Variants in STEAP2 observed in about 807,000 individuals in gnomAD.
The protein encoded by STEAP2 is STEAP2 metalloreductase, also known as metalloreductase STEAP2.
In STEAP2, 30 loss-of-function variants were observed where a neutral mutation model predicts 46.4. That is an observed-to-expected ratio of 0.65 (90% CI 0.48 to 0.88). The LOEUF (loss-of-function observed/expected upper bound fraction) is 0.88, where lower values mean the gene tolerates loss of function less well. STEAP2 is among the 40% of genes least tolerant of loss of function. The pLI, the probability that STEAP2 is intolerant of heterozygous loss-of-function variation, is 0.00. For missense variants in STEAP2, 513 were observed against 579.3 expected, an observed-to-expected ratio of 0.89 and a Z score of 1.18; for synonymous variants, 180 against 200.5, an observed-to-expected ratio of 0.90 and a Z score of 0.86.
chr7:90,238,257 G>A, downstream of STEAP2: 2 of 607,842 alleles, frequency 3.3e-6, no homozygotes, highest in Non-Finnish European at 6.3e-6. Context: ...TGGAGGTTCT[G>A]GCTTCCCCAG....
rs1795882068 is a variant in STEAP2, at chr7:90,234,454, A to G, written c.*1830A>G. The G allele has an allele frequency of 1.0e-6, 1 of 984,788 alleles. No individual in the cohort carries two copies. The highest frequency in any genetic ancestry group is 4.7e-5 in the South Asian group (1 of 21,252). 61.0% of individuals were successfully genotyped at this position (984,788 alleles called of 1,614,324 possible). On this transcript the variant is annotated 3_prime_UTR_variant, in exon 6 of 6. Transcript: ENST00000394621. ...TTTAGTAGAGGCTACCTTTCCCACCAGTGACTCTTTTTCTACAACTGCCTT... is the reference window on the plus strand; with the variant it reads ...TTTAGTAGAGGCTACCTTTCCCACCGGTGACTCTTTTTCTACAACTGCCTT...
chr7:90,234,415 T>C lies in STEAP2; in HGVS notation c.*1791T>C. The C allele has an allele frequency of 4.1e-6, 4 of 985,314 alleles. No individual in the cohort carries two copies. The highest frequency in any genetic ancestry group is 4.8e-6 in the Non-Finnish European group (4 of 829,898). 61.0% of individuals were successfully genotyped at this position (985,314 alleles called of 1,614,324 possible). ...TACTACTGAATCCAACTGCCAACAA[T>C]AAAAAGACTTTTATTTAGTAGAGGC... On this transcript the variant is annotated 3_prime_UTR_variant, in exon 6 of 6. Coordinates refer to ENST00000394621, the MANE Select transcript of STEAP2 (RefSeq NM_001244944.2).
At chr7:90,219,369 A>G (rs1481823963) in intron 2 of STEAP2, among the ~76,000 whole-genome samples, 1 of 152,130 alleles carries the variant, frequency 6.6e-6, no homozygotes, top group Non-Finnish European at 1.5e-5. Context: ...CTGTTCATAG[A>G]GGAAAGGCTT....
downstream of STEAP2, among the ~76,000 whole-genome samples, chr7:90,241,186 A>ACC (rs755695316): frequency 5.9e-5 from 9 of 151,926 alleles, no homozygotes; most frequent in Non-Finnish European, 1.3e-4. Flanking sequence ...ACACACACAC[A>ACC]CACACTCACA....
chr7:90,230,442 C>G (rs1795692511), intron 5 of STEAP2, among the ~76,000 whole-genome samples: 1 of 151,790 alleles, frequency 6.6e-6, no homozygotes, highest in Non-Finnish European at 1.5e-5. Context: ...AATTTGAACT[C>G]AAGTGGGGAT....
At position 90,225,490 on chromosome 7, in the gene STEAP2, A is replaced by G. The variant is rs1795448074; in HGVS notation, c.408A>G (p.Leu136=). The part of the protein sequence containing the change: ...PESNAEYLAS[L]FPDSLIVKGF... ...CCAATGCTGAATATTTGGCTTCATT[A>G]TTCCCAGATTCTTTGATTGTCAAAG... is the stretch of plus-strand genomic sequence containing the variant. Residue 136 remains leucine, a synonymous_variant, in exon 3 of 6, where the codon TTA becomes TTG. Transcript: ENST00000394621. The G allele has an allele frequency of 2.5e-6, 4 of 1,613,878 alleles. No homozygotes were observed. Among genetic ancestry groups the G allele is most frequent in the Non-Finnish European group, 3.4e-6 (4 of 1,179,892 alleles).
chr7:90,238,158 C>T (rs1276361336), downstream of STEAP2: 4 of 717,304 alleles, frequency 5.6e-6, no homozygotes, highest in African/African-American at 1.7e-5. Flanking sequence ...CTACCACCAC[C>T]ACCACACTGC....
In STEAP2 at chr7:90,232,443, A is replaced by C; in HGVS notation, c.1292A>C (p.Asn431Thr). The change falls in exon 6 of 6, where the codon AAC becomes ACC. Residue 431 changes from asparagine to threonine, a missense_variant. Transcript: ENST00000394621. ...EEYYRFYTPP[N>T]FVLALVLPSI... ...TACTACAGATTTTATACACCACCAAACTTTGTTCTTGCTCTTGTTTTGCCC... is the reference window on the plus strand; with the variant it reads ...TACTACAGATTTTATACACCACCAACCTTTGTTCTTGCTCTTGTTTTGCCC... 1 of 1,613,668 alleles carries C rather than the reference A, an allele frequency of 6.2e-7. No individual in the cohort carries two copies. Among genetic ancestry groups the C allele is most frequent in the South Asian group, 1.1e-5 (1 of 91,054 alleles).
At chr7:90,225,817 T>C (rs1795466457) in intron 3 of STEAP2, among the ~76,000 whole-genome samples, 1 of 152,140 alleles carries the variant, frequency 6.6e-6, no homozygotes, top group Non-Finnish European at 1.5e-5. Flanking sequence ...ATAAAGCAGA[T>C]GGGGCACTCT....
intron 1 of STEAP2, chr7:90,212,472 G>T (rs968407301): frequency 6.6e-6 from 1 of 152,270 alleles, no homozygotes; most frequent in Non-Finnish European, 1.5e-5. Context: ...ATTTCTAGCA[G>T]TCATTTGGTT....
At position 90,225,403 on chromosome 7, in the gene STEAP2, G is replaced by T. The variant is rs1461030235; in HGVS notation, c.321G>T (p.Leu107=). 6.2e-7 allele frequency: 1 copy of T among 1,613,668 alleles called. No individual in the cohort carries two copies. Among genetic ancestry groups the T allele is most frequent in the Non-Finnish European group, 8.5e-7 (1 of 1,179,932 alleles). Residue 107 remains leucine (L), a synonymous_variant, in exon 3 of 6, where the codon CTG becomes CTT. Transcript: ENST00000394621. ...CCTCCCTGTGGGACCTGAGACATCT[G>T]CTTGTGGGTAAAATCCTGATTGATG... ...HYTSLWDLRH[L]LVGKILIDVS...
At position 90,227,482 on chromosome 7, in the gene STEAP2, A is replaced by G. The variant is rs771434263; in HGVS notation, c.1004A>G (p.Asn335Ser). ...AGGTCAGAGAGATATTTGTTTCTCAACATGGCTTATCAGCAGGTACTGAAT... is the reference window on the plus strand; with the variant it reads ...AGGTCAGAGAGATATTTGTTTCTCAGCATGGCTTATCAGCAGGTACTGAAT... ...MRRSERYLFL[N>S]MAYQQVHANI... Residue 335 changes from asparagine to serine, a missense_variant, in exon 4 of 6, where the codon AAC becomes AGC. Transcript: ENST00000394621. 6 of 1,584,400 alleles carry G rather than the reference A, an allele frequency of 3.8e-6. No homozygotes were observed. In the East Asian group the frequency reaches 9.0e-5, roughly 24 times the overall value.
chr7:90,235,252 T>C lies in STEAP2; in HGVS notation c.*2628T>C, dbSNP rs1247168864. On this transcript the variant is annotated 3_prime_UTR_variant, in exon 6 of 6. Transcript: ENST00000394621. ...TAAAAGATGCATCTGTTGTTTCAAA[T>C]GGCACTATCTTCTTTTCAGTACTAC... 1.0e-6 allele frequency: 1 copy of C among 983,536 alleles called. No individual in the cohort carries two copies. Among genetic ancestry groups the C allele is most frequent in the East Asian group, 1.1e-4 (1 of 8,818 alleles). 60.9% of individuals were successfully genotyped at this position (983,536 alleles called of 1,614,324 possible). A position where few individuals can be genotyped will look rare whatever the true frequency, so the allele number is the denominator to read the frequency against.
chr7:90,219,922 T>G (rs888820555), intron 2 of STEAP2, among the ~76,000 whole-genome samples: 1 of 152,162 alleles, frequency 6.6e-6, no homozygotes, highest in South Asian at 2.1e-4. Context: ...GACGAGGGTC[T>G]CATTATGTTG....
At chr7:90,226,770 T>C (rs1795503506) in intron 3 of STEAP2, among the ~76,000 whole-genome samples, 1 of 152,164 alleles carries the variant, frequency 6.6e-6, no homozygotes, top group South Asian at 2.1e-4. Context: ...ACTCCAGTAA[T>C]GAACTTGGTG....
intron 2 of STEAP2, among the ~76,000 whole-genome samples, chr7:90,222,450 A>C (rs1795291208): frequency 6.6e-6 from 1 of 152,144 alleles, no homozygotes; most frequent in African/African-American, 2.4e-5. Flanking sequence ...ATAACCCCCC[A>C]AAAACACCCT....
chr7:90,224,948 T>G (rs1795414463), intron 2 of STEAP2, 102 bp from the exon 3 acceptor site: 7 of 955,002 alleles, frequency 7.3e-6, no homozygotes, highest in Non-Finnish European at 3.1e-6. Flanking sequence ...TAAAGTGTGG[T>G]GAAATATTTT....
chr7:90,236,642 A>G lies in STEAP2; in HGVS notation c.*4018A>G. The stretch of plus-strand genomic sequence containing the variant: ...TTTTTTTTTAGTATGAGAAAATTAT[A>G]CAGTGCTTAATTTTCAGAGATTCTT... On this transcript the variant is annotated 3_prime_UTR_variant, in exon 6 of 6. Transcript: ENST00000394621. The G allele has an allele frequency of 1.6e-6, 2 of 1,216,324 alleles. No individual in the cohort carries two copies. Among genetic ancestry groups the G allele is most frequent in the Non-Finnish European group, 2.0e-6 (2 of 976,272 alleles). 75.3% of individuals were successfully genotyped at this position (1,216,324 alleles called of 1,614,324 possible). A position where few individuals can be genotyped will look rare whatever the true frequency, so the allele number is the denominator to read the frequency against.
intron 2 of STEAP2, 103 bp from the exon 3 acceptor site, chr7:90,224,947 G>T: frequency 1.1e-6 from 1 of 946,928 alleles, no homozygotes; most frequent in Non-Finnish European, 1.6e-6. Context: ...TTAAAGTGTG[G>T]TGAAATATTT....
Sources: gnomAD v4.1 joint callset for allele counts (sites outside exome capture counted in the v4.1 genomes callset) on GRCh38, gnomAD v4.1.1 for gene constraint, MANE v1.5 for transcripts, NCBI Gene and HGNC (gene_info 2026-07-23, HGNC 2026-07-21) for gene names.